EPM2A: variants seen among roughly 807,000 people sequenced by gnomAD.
The protein encoded by EPM2A is EPM2A glucan phosphatase, laforin, also known as laforin.
EPM2A carries 21 observed loss-of-function variants against 26.5 expected under a neutral mutation model. The observed-to-expected ratio is 0.79, with a 90% CI of 0.56 to 1.14. EPM2A has a LOEUF of 1.14. Among genes scored for constraint, EPM2A ranks in the 50% most tolerant of loss-of-function variants. The pLI is 0.00. For synonymous variants in EPM2A, 217 were observed against 177.6 expected (o/e 1.22, Z -1.76); for missense variants, 458 against 440.8 (o/e 1.04, Z -0.35).
intron 4 of EPM2A, among the ~76,000 whole-genome samples, chr6:145,478,304 T>C (rs1358787817): frequency 5.3e-5 from 8 of 151,828 alleles, no homozygotes; most frequent in African/African-American, 1.7e-4. Flanking sequence ...AAAAATATTC[T>C]ATGTTCATAG....
intron 2 of EPM2A, among the ~76,000 whole-genome samples, chr6:145,651,585 T>A (rs2128578605): frequency 6.6e-6 from 1 of 152,346 alleles, no homozygotes; most frequent in South Asian, 2.1e-4. Flanking sequence ...ACGAAATGCC[T>A]TCTGTATCCA....
At chr6:145,611,791 C>T (rs942839457) in intron 2 of EPM2A, among the ~76,000 whole-genome samples, 1 of 151,984 alleles carries the variant, frequency 6.6e-6, no homozygotes, top group African/African-American at 2.4e-5. Context: ...GTGGTCACAT[C>T]TGGTTATTTA....
At chr6:145,609,828 T>C (rs1775351883) in intron 2 of EPM2A, among the ~76,000 whole-genome samples, 1 of 152,198 alleles carries the variant, frequency 6.6e-6, no homozygotes, top group South Asian at 2.1e-4. Flanking sequence ...AAATTGGGAA[T>C]TGACATAAAT....
At chr6:145,466,858 T>C (rs1779403889) in intron 4 of EPM2A, among the ~76,000 whole-genome samples, 1 of 152,122 alleles carries the variant, frequency 6.6e-6, no homozygotes, top group South Asian at 2.1e-4. Flanking sequence ...ATGGATGAAA[T>C]TGGAAATCAT....
In EPM2A at chr6:145,626,823, G is replaced by A. The variant is rs553202711; in HGVS notation, c.*593C>T. On this transcript the variant is annotated 3_prime_UTR_variant, in exon 4 of 4. Transcript: ENST00000367519. ...TAATTCTACTTTAGTTGTTACACAG[G>A]GTTGTTGGGTAGAGAAGGAAGGTGA... The A allele has an allele frequency of 1.0e-6, 1 of 987,346 alleles. No individual in the cohort carries two copies. Among genetic ancestry groups the A allele is most frequent in the African/African-American group, 1.7e-5 (1 of 57,354 alleles). 61.2% of individuals were successfully genotyped at this position (987,346 alleles called of 1,614,324 possible).
At chr6:145,450,350 C>CAAAA (rs368618860) in intron 4 of EPM2A, among the ~76,000 whole-genome samples, 16 of 62,434 alleles carry the variant, frequency 2.6e-4, no homozygotes, top group South Asian at 6.0e-4. Context: ...GACTCCGTCT[C>CAAAA]AAAAAAAAAA....
At position 145,561,153 on chromosome 6, in the gene EPM2A, C is replaced by CTT. The variant is rs11326955; in HGVS notation, c.341-58580_341-58579dup. ...TATAACCATTTTTTATCTTTTATAC[C>CTT]TTTTTTTTTTTTTTTACTGTAACTT... On this transcript the variant is annotated intron_variant, in intron 2 of 3. Coordinates refer to the EPM2A transcript ENST00000450221. 2.9e-3 allele frequency among the ~76,000 whole-genome samples: 413 copies of CTT among 141,732 alleles called. 3 individuals are homozygous for CTT. Among genetic ancestry groups the CTT allele is most frequent in the African/African-American group, 0.01 (391 of 38,584 alleles). The allele number at this position is 141,732 out of a possible 152,430, so 93.0% of individuals were successfully genotyped here. A position where few individuals can be genotyped will look rare whatever the true frequency, so the allele number is the denominator to read the frequency against.
intron 4 of EPM2A, among the ~76,000 whole-genome samples, chr6:145,421,033 A>G (rs1207370057): frequency 2.0e-5 from 3 of 152,176 alleles, no homozygotes; most frequent in Non-Finnish European, 4.4e-5. Context: ...TAAGTTTCCA[A>G]CACATGAACT....
intron 2 of EPM2A, among the ~76,000 whole-genome samples, chr6:145,654,721 T>C (rs1204282323): frequency 2.0e-5 from 3 of 152,178 alleles, no homozygotes; most frequent in Non-Finnish European, 2.9e-5. Flanking sequence ...GAAAATAAAA[T>C]GGAGAGTTTA....
intron 1 of EPM2A, among the ~76,000 whole-genome samples, chr6:145,720,422 A>C (rs1171712649): frequency 6.6e-6 from 1 of 152,364 alleles, no homozygotes; most frequent in Admixed American, 6.5e-5. Flanking sequence ...ATTCTGAACT[A>C]GTAAGTGTTA....
At chr6:145,504,225 A>G (rs1184977817) in intron 2 of EPM2A, among the ~76,000 whole-genome samples, 1 of 124,758 alleles carries the variant, frequency 8.0e-6, no homozygotes, top group African/African-American at 2.9e-5. Context: ...AATGGCAACA[A>G]AAGCCAAAAT....
intron 1 of EPM2A, among the ~76,000 whole-genome samples, chr6:145,694,997 G>GTCAGAT (rs1415967016): frequency 6.6e-6 from 1 of 151,972 alleles, no homozygotes; most frequent in Admixed American, 6.6e-5. Context: ...AGTGGTATCA[G>GTCAGAT]TCAGATTCAA....
In EPM2A at chr6:145,524,292, A is replaced by G. The variant is rs142885748; in HGVS notation, c.341-21717T>C. On this transcript the variant is annotated intron_variant, in intron 2 of 3. Coordinates refer to the EPM2A transcript ENST00000450221. ...TAGAATGATAACTTTTCCTTTGGGT[A>G]TATACCCAGTAATGGGATTGCTGGG... Among the ~76,000 whole-genome samples the G allele has an allele frequency of 2.8e-3, 423 of 152,280 alleles. 1 individual carries two copies. Among genetic ancestry groups the G allele is most frequent in the African/African-American group, 8.2e-3 (339 of 41,556 alleles).
intron 2 of EPM2A, among the ~76,000 whole-genome samples, chr6:145,587,064 A>G (rs1382275565): frequency 6.6e-6 from 1 of 152,168 alleles, no homozygotes; most frequent in East Asian, 1.9e-4. Flanking sequence ...TATCCTCTTG[A>G]AATATTTTTA....
intron 4 of EPM2A, among the ~76,000 whole-genome samples, chr6:145,430,603 GAAA>G (rs34510907): frequency 6.8e-6 from 1 of 147,986 alleles, no homozygotes; most frequent in African/African-American, 2.5e-5. Context: ...TCCATCTCAA[GAAA>G]AAAAAAAAAG....
At chr6:145,454,458 A>G (rs1416384579) in intron 4 of EPM2A, among the ~76,000 whole-genome samples, 1 of 152,128 alleles carries the variant, frequency 6.6e-6, no homozygotes, top group Non-Finnish European at 1.5e-5. Flanking sequence ...GAGAGGGGAG[A>G]TAAAAGATAG....
intron 2 of EPM2A, among the ~76,000 whole-genome samples, chr6:145,663,251 G>A (rs1009671884): frequency 6.6e-6 from 1 of 152,174 alleles, no homozygotes; most frequent in South Asian, 2.1e-4. Context: ...AATAATTGGG[G>A]GGAACTAAGA....
intron 2 of EPM2A, among the ~76,000 whole-genome samples, chr6:145,677,777 G>T (rs748399406): frequency 6.6e-6 from 1 of 152,132 alleles, no homozygotes; most frequent in African/African-American, 2.4e-5. Context: ...CAAAATAAAA[G>T]GGGACACAAA....
In EPM2A at chr6:145,394,507, TAG is replaced by T. The variant is rs1283655861; in HGVS notation, c.556-10412_556-10411del. The stretch of plus-strand genomic sequence containing the variant: ...CTCAATCCTGAAGCTTTGGCCAGAA[TAG>T]AGTCCAACCTTAATGATTTCCTCTC... On this transcript the variant is annotated intron_variant, in intron 4 of 4. Coordinates refer to the EPM2A transcript ENST00000638717. Among the ~76,000 whole-genome samples, 3 of 152,280 alleles carry T rather than the reference TAG, an allele frequency of 2.0e-5. No individual in the cohort carries two copies. In the East Asian group the frequency reaches 5.8e-4, roughly 29 times the overall value.
Sources: allele counts gnomAD v4.1 joint callset (sites outside exome capture counted in the v4.1 genomes callset), GRCh38; gene constraint gnomAD v4.1.1; transcripts MANE v1.5; gene names NCBI Gene and HGNC (gene_info 2026-07-23, HGNC 2026-07-21).